Variants in ZSCAN23 observed in about 807,000 individuals in gnomAD.
ZSCAN23 encodes zinc finger and SCAN domain-containing protein 23.
Under a neutral mutation model 19.3 loss-of-function variants are expected in ZSCAN23, and 19 were observed. The observed-to-expected ratio is 0.99, with a 90% CI of 0.69 to 1.45. The LOEUF is 1.45. Ranked by LOEUF, ZSCAN23 falls within the 40% of genes most tolerant of loss-of-function variation. ZSCAN23 has a pLI of 0.00. For synonymous variants in ZSCAN23, 140 were observed against 166.2 expected (o/e 0.84, Z 1.21); for missense variants, 372 against 462.5 (o/e 0.80, Z 1.79).
intron 1 of ZSCAN23, among the ~76,000 whole-genome samples, chr6:28,437,365 T>G (rs1420728887): frequency 6.6e-6 from 1 of 152,226 alleles, no homozygotes; most frequent in Non-Finnish European, 1.5e-5. Context: ...CTATGACTCC[T>G]GAGGTCAGGA....
Position 28,439,858 on chromosome 6 carries a change from TAC to T in ZSCAN23, c.-77-3517_-77-3516del, listed in dbSNP as rs1761967305. On this transcript the variant is annotated intron_variant, in intron 1 of 3. Coordinates refer to ENST00000289788, the MANE Select transcript of ZSCAN23 (RefSeq NM_001012455.2). ...ACCCAACAAATCTGACATCAGAATT[TAC>T]AGTCTCCACTGCTACAACACTAACT... is the stretch of plus-strand genomic sequence containing the variant. Among the ~76,000 whole-genome samples, 4 of 152,296 alleles carry T rather than the reference TAC, an allele frequency of 2.6e-5. No homozygotes were observed. In the South Asian group the frequency reaches 8.3e-4, roughly 32 times the overall value.
At chr6:28,441,115 C>A (rs1761991156) in intron 1 of ZSCAN23, among the ~76,000 whole-genome samples, 1 of 152,182 alleles carries the variant, frequency 6.6e-6, no homozygotes, top group African/African-American at 2.4e-5. Context: ...AGCTGAACAC[C>A]CCCAAATCTA....
intron 3 of ZSCAN23, 98 bp downstream of exon 3, chr6:28,435,362 G>A: frequency 7.0e-7 from 1 of 1,427,378 alleles, no homozygotes. Flanking sequence ...CTGGTACCTG[G>A]CACAGTGCCT....
the ZSCAN23 span, among the ~76,000 whole-genome samples, chr6:28,425,020 AAAT>A: frequency 2.0e-5 from 3 of 152,190 alleles, no homozygotes; most frequent in Non-Finnish European, 4.4e-5. Flanking sequence ...TGTATTTCTT[AAAT>A]AATAAGACTT....
intron 1 of ZSCAN23, among the ~76,000 whole-genome samples, chr6:28,442,787 T>G (rs1408848854): frequency 6.6e-6 from 1 of 152,238 alleles, no homozygotes. Context: ...TAACTTCATT[T>G]TCTTCTTGTA....
rs757416478 is a variant in ZSCAN23 at position 28,434,587 on chromosome 6, T to C, written c.1048A>G (p.Lys350Glu). The stretch of plus-strand genomic sequence containing the variant: ...TCTCCAGTGTGAATTCTCTGATGCT[T>C]AATGAGGACTGAACGTCGACTAAAA... ...KSFSRRSVLI[K>E]HQRIHTGERP... is the part of the protein sequence containing the mutation. The change falls in exon 4 of 4, where the codon AAG becomes GAG. Residue 350 changes from lysine to glutamate, a missense_variant. Physicochemically the swap from Lys to Glu is moderately conservative, Grantham distance 56. Coordinates refer to ENST00000289788, the MANE Select transcript of ZSCAN23 (RefSeq NM_001012455.2). The C allele has an allele frequency of 1.9e-6, 3 of 1,555,210 alleles. No homozygotes were observed. The Admixed American group carries it at 5.9e-5, about 30-fold the overall frequency.
rs192995848 is a variant in ZSCAN23 at position 28,435,347 on chromosome 6, T to C, written c.556+113A>G. On this transcript the variant is annotated intron_variant, in intron 3 of 3. Coordinates refer to ENST00000289788, the MANE Select transcript of ZSCAN23 (RefSeq NM_001012455.2). ...ACCACATCTGCCTTGTTTATCACTGTATCCCTGGTACCTGGCACAGTGCCT... is the reference window on the plus strand; with the variant it reads ...ACCACATCTGCCTTGTTTATCACTGCATCCCTGGTACCTGGCACAGTGCCT... The C allele has an allele frequency of 4.4e-5, 60 of 1,376,634 alleles. No homozygotes were observed. The African/African-American group carries it at 7.1e-4, about 16-fold the overall frequency. The allele number at this position is 1,376,634 out of a possible 1,614,324, so 85.3% of individuals were successfully genotyped here. A position where few individuals can be genotyped will look rare whatever the true frequency, so the allele number is the denominator to read the frequency against.
the ZSCAN23 span, among the ~76,000 whole-genome samples, chr6:28,426,239 C>T: frequency 6.6e-6 from 1 of 152,172 alleles, no homozygotes. Flanking sequence ...TAGCTTTCAA[C>T]CTATCTCAGC....
downstream of ZSCAN23, among the ~76,000 whole-genome samples, chr6:28,430,516 C>T (rs1761742565): frequency 6.6e-6 from 1 of 152,154 alleles, no homozygotes; most frequent in African/African-American, 2.4e-5. Flanking sequence ...TTGGCTTGTT[C>T]TCCATTGTTT....
At chr6:28,431,890 C>T (rs1355009581), downstream of ZSCAN23, 2 of 152,132 alleles carry the variant, frequency 1.3e-5, no homozygotes, top group African/African-American at 2.4e-5. Context: ...TTCCTTTGGT[C>T]AACATTTTTT....
intron 2 of ZSCAN23, 65 bp from the exon 3 acceptor site, chr6:28,435,672 AG>A (rs1761868000): frequency 6.7e-7 from 1 of 1,487,474 alleles, no homozygotes; most frequent in Non-Finnish European, 8.9e-7. Flanking sequence ...AGGCCTCCTC[AG>A]GGCCGCTGGA....
downstream of ZSCAN23, among the ~76,000 whole-genome samples, chr6:28,426,995 G>A (rs1382071787): frequency 7.2e-5 from 11 of 152,238 alleles, no homozygotes; most frequent in Admixed American, 7.2e-4. Flanking sequence ...GTTTCACCAT[G>A]TTGGTCAGGC....
chr6:28,435,194 C>G, intron 3 of ZSCAN23, 116 bp from the exon 4 acceptor site: 1 of 1,241,200 alleles, frequency 8.1e-7, no homozygotes, highest in Non-Finnish European at 1.1e-6. Flanking sequence ...CAAGTAGCCA[C>G]TTTTTCTGTT....
In ZSCAN23 at chr6:28,436,328, C is replaced by A. The variant is rs1189480802; in HGVS notation, c.-62G>T. ...GATAATTCTCCCTTGATCTTTTCTT[C>A]TGGAAACCCCGAGATCTAGACAATA... On this transcript the variant is annotated 5_prime_UTR_variant, in exon 2 of 4. Transcript: ENST00000289788. 3.6e-6 allele frequency: 5 copies of A among 1,396,752 alleles called. No individual in the cohort carries two copies. The highest frequency in any genetic ancestry group is 3.3e-5 in the South Asian group (2 of 61,304). 86.5% of individuals were successfully genotyped at this position (1,396,752 alleles called of 1,614,324 possible).
chr6:28,424,171 AT>A, the ZSCAN23 span, among the ~76,000 whole-genome samples: 1 of 152,180 alleles, frequency 6.6e-6, no homozygotes, highest in African/African-American at 2.4e-5. Flanking sequence ...GAGTTACACA[AT>A]TTTTTTGCCT....
At chr6:28,441,874 ATTTT>A (rs371867784) in intron 1 of ZSCAN23, among the ~76,000 whole-genome samples, 2 of 130,942 alleles carry the variant, frequency 1.5e-5, no homozygotes, top group Non-Finnish European at 1.6e-5. Context: ...CTGGTTGTTA[ATTTT>A]TTTTTTTTTT....
At chr6:28,438,230 G>A (rs1406619357) in intron 1 of ZSCAN23, among the ~76,000 whole-genome samples, 2 of 151,948 alleles carry the variant, frequency 1.3e-5, no homozygotes, top group Non-Finnish European at 2.9e-5. Context: ...CTGAGTAGCT[G>A]GTATTACAGG....
chr6:28,426,754 A>G, the ZSCAN23 span, among the ~76,000 whole-genome samples: 1 of 152,240 alleles, frequency 6.6e-6, no homozygotes, highest in Non-Finnish European at 1.5e-5. Context: ...GTAAAATGAC[A>G]TATGCCTGTA....
intron 1 of ZSCAN23, among the ~76,000 whole-genome samples, chr6:28,442,941 A>T (rs1238872597): frequency 1.3e-5 from 2 of 152,198 alleles, no homozygotes; most frequent in African/African-American, 4.8e-5. Context: ...GATGCTATTT[A>T]TTCTTTTAAA....
Sources: allele counts gnomAD v4.1 joint callset (sites outside exome capture counted in the v4.1 genomes callset), GRCh38; gene constraint gnomAD v4.1.1; transcripts MANE v1.5; gene names NCBI Gene and HGNC (gene_info 2026-07-23, HGNC 2026-07-21).